CDH13: variants seen among roughly 807,000 people sequenced by gnomAD.
The protein encoded by CDH13 is cadherin 13, also known as cadherin-13.
Under a neutral mutation model 63.8 loss-of-function variants are expected in CDH13, and 24 were observed. That is an observed-to-expected ratio of 0.38 (90% CI 0.27 to 0.53). CDH13 has a LOEUF of 0.53. Among genes scored for constraint, CDH13 ranks in the 20% least tolerant of loss-of-function variants. The pLI, the probability that CDH13 is intolerant of heterozygous loss-of-function variation, is 0.85. For missense variants in CDH13, 1,049 were observed against 903.1 expected, an observed-to-expected ratio of 1.16 and a Z score of -2.07; for synonymous variants, 503 against 355.3, an observed-to-expected ratio of 1.42 and a Z score of -4.67.
intron 4 of CDH13, among the ~76,000 whole-genome samples, chr16:83,161,202 A>G (rs2037429598): frequency 6.6e-6 from 1 of 152,208 alleles, no homozygotes; most frequent in African/African-American, 2.4e-5. Context: ...TAAAGCCTCC[A>G]GTTTCCAGGG....
At chr16:83,366,136 A>C (rs2091253245) in intron 6 of CDH13, among the ~76,000 whole-genome samples, 1 of 152,244 alleles carries the variant, frequency 6.6e-6, no homozygotes, top group African/African-American at 2.4e-5. Flanking sequence ...TGCTTTTCAC[A>C]ACAAAATAAC....
At chr16:82,964,897 C>T (rs1480698704) in intron 2 of CDH13, among the ~76,000 whole-genome samples, 2 of 152,032 alleles carry the variant, frequency 1.3e-5, no homozygotes, top group Non-Finnish European at 2.9e-5. Context: ...GTGAATTAGC[C>T]GAGGATATAG....
intron 5 of CDH13, among the ~76,000 whole-genome samples, chr16:83,286,574 A>G (rs1346977253): frequency 6.6e-6 from 1 of 152,036 alleles, no homozygotes; most frequent in Non-Finnish European, 1.5e-5. Flanking sequence ...TTGGCAACAC[A>G]GTGAAACCCT....
At chr16:82,913,581 A>G (rs1019353494) in intron 2 of CDH13, among the ~76,000 whole-genome samples, 1 of 152,186 alleles carries the variant, frequency 6.6e-6, no homozygotes, top group Non-Finnish European at 1.5e-5. Flanking sequence ...TTGGGGAAAC[A>G]GCCTAAGGTG....
chr16:82,933,926 G>A (rs556592951), intron 2 of CDH13, among the ~76,000 whole-genome samples: 2 of 152,222 alleles, frequency 1.3e-5, no homozygotes, highest in Non-Finnish European at 2.9e-5. Flanking sequence ...GCTTTGCAGG[G>A]TACAGCCCTC....
chr16:83,448,695 G>C (rs1052435962), intron 6 of CDH13, among the ~76,000 whole-genome samples: 2 of 152,184 alleles, frequency 1.3e-5, no homozygotes, highest in East Asian at 3.8e-4. Context: ...GTAGAGATGA[G>C]AGTAAGAGGA....
At chr16:83,232,307 T>C (rs2040021992) in intron 5 of CDH13, among the ~76,000 whole-genome samples, 1 of 146,914 alleles carries the variant, frequency 6.8e-6, no homozygotes, top group Admixed American at 6.9e-5. Context: ...AGCAGATCAC[T>C]TGAGGTCAGG....
At chr16:83,298,767 A>T (rs1247346989) in intron 5 of CDH13, among the ~76,000 whole-genome samples, 1 of 152,204 alleles carries the variant, frequency 6.6e-6, no homozygotes, top group African/African-American at 2.4e-5. Context: ...TGCCTGCTTC[A>T]CTGAGCATTA....
intron 6 of CDH13, among the ~76,000 whole-genome samples, chr16:83,442,033 G>C (rs1480855164): frequency 1.3e-5 from 2 of 152,148 alleles, no homozygotes; most frequent in Non-Finnish European, 2.9e-5. Flanking sequence ...AGATGACAGA[G>C]TCTTTTTTGT....
chr16:82,860,385 GT>G (rs71376307), intron 2 of CDH13, among the ~76,000 whole-genome samples: 11,392 of 68,760 alleles, frequency 0.17, 1,837 homozygotes, highest in East Asian at 0.52. Context: ...GTGTGTGTGT[GT>G]GTGGGGGGGG....
chr16:83,608,352 A>G (rs567342246), intron 8 of CDH13, among the ~76,000 whole-genome samples: 1 of 152,348 alleles, frequency 6.6e-6, no homozygotes, highest in South Asian at 2.1e-4. Context: ...GCTGCAAGTG[A>G]GCCATAGGCA....
intron 1 of CDH13, among the ~76,000 whole-genome samples, chr16:82,780,885 A>G (rs1403576353): frequency 6.6e-6 from 1 of 152,226 alleles, no homozygotes; most frequent in East Asian, 1.9e-4. Flanking sequence ...ATTTCATTCT[A>G]CATTTGACAG....
intron 1 of CDH13, among the ~76,000 whole-genome samples, chr16:82,718,214 A>G (rs2032517723): frequency 6.6e-6 from 1 of 152,164 alleles, no homozygotes; most frequent in Non-Finnish European, 1.5e-5. Context: ...GAGACAATGA[A>G]AACCACATCT....
intron 1 of CDH13, among the ~76,000 whole-genome samples, chr16:82,845,624 C>T (rs377314525): frequency 2.0e-5 from 3 of 152,108 alleles, no homozygotes; most frequent in Non-Finnish European, 4.4e-5. Flanking sequence ...CCAGTGCCTG[C>T]CACATGGTAG....
intron 3 of CDH13, among the ~76,000 whole-genome samples, chr16:83,081,287 G>A (rs983169070): frequency 1.3e-5 from 2 of 152,138 alleles, no homozygotes; most frequent in Admixed American, 6.5e-5. Context: ...AGACCCAAGA[G>A]ATATACTGGT....
chr16:83,524,248 A>C (rs867256186), intron 7 of CDH13, among the ~76,000 whole-genome samples: 1 of 152,162 alleles, frequency 6.6e-6, no homozygotes, highest in Non-Finnish European at 1.5e-5. Context: ...TGCAGTGTAC[A>C]TGAGTAATAT....
chr16:83,483,666 T>G (rs552365436), intron 6 of CDH13, among the ~76,000 whole-genome samples: 24 of 152,240 alleles, frequency 1.6e-4, no homozygotes, highest in Non-Finnish European at 2.5e-4. Flanking sequence ...TGGTGTGGAA[T>G]TGATGGGGTT....
chr16:82,673,003 T>TTTTC (rs140019191), intron 1 of CDH13, among the ~76,000 whole-genome samples: 1,377 of 87,628 alleles, frequency 0.016, 120 homozygotes, highest in African/African-American at 0.06. Flanking sequence ...AGTTTTCTTT[T>TTTTC]TTTTTTTTTT....
chr16:83,758,767 T>C (rs1913717494), intron 11 of CDH13, among the ~76,000 whole-genome samples: 1 of 152,240 alleles, frequency 6.6e-6, no homozygotes, highest in Admixed American at 6.5e-5. Flanking sequence ...TTCTAAAAGA[T>C]ACTGTTTGCA....
Sources: gnomAD v4.1 joint callset for allele counts (sites outside exome capture counted in the v4.1 genomes callset) on GRCh38, gnomAD v4.1.1 for gene constraint, MANE v1.5 for transcripts, NCBI Gene and HGNC (gene_info 2026-07-23, HGNC 2026-07-21) for gene names.